KATNIP: variants seen among roughly 807,000 people sequenced by gnomAD.
The protein encoded by KATNIP is katanin-interacting protein.
KATNIP carries 126 observed loss-of-function variants against 174.0 expected under a neutral mutation model. That is an observed-to-expected ratio of 0.72 (90% CI 0.63 to 0.84). The LOEUF (loss-of-function observed/expected upper bound fraction) is 0.84. Ranked by LOEUF, KATNIP falls within the 40% of genes least tolerant of loss-of-function variation. The probability of loss-of-function intolerance (pLI) is 0.00; values close to 1 mark genes in which losing one functional copy is unlikely to be tolerated. For synonymous variants in KATNIP, 810 were observed against 835.7 expected, an observed-to-expected ratio of 0.97 and a Z score of 0.53; for missense variants, 1,958 against 2,109.7, an observed-to-expected ratio of 0.93 and a Z score of 1.41.
chr16:27,574,010 T>C (rs1395935363), intron 2 of KATNIP, 54 bp downstream of exon 2: 1 of 1,520,682 alleles, frequency 6.6e-7, no homozygotes, highest in African/African-American at 1.4e-5. Context: ...TGAAAGGACC[T>C]GAGGGAGCAG....
intron 14 of KATNIP, among the ~76,000 whole-genome samples, chr16:27,722,674 T>C (rs1377284347): frequency 1.3e-5 from 2 of 152,228 alleles, no homozygotes; most frequent in East Asian, 3.8e-4. Context: ...ACCTTCAGTC[T>C]TGCTAGAGAC....
At chr16:27,648,461 C>T in intron 5 of KATNIP, 143 bp from the exon 6 acceptor site, 1 of 932,734 alleles carries the variant, frequency 1.1e-6, no homozygotes, top group Non-Finnish European at 1.6e-6. Flanking sequence ...ATCATGACAC[C>T]ACTGCTGTTG....
chr16:27,667,898 C>A (rs767719459), intron 6 of KATNIP, among the ~76,000 whole-genome samples: 11 of 152,122 alleles, frequency 7.2e-5, no homozygotes, highest in Non-Finnish European at 1.5e-4. Flanking sequence ...AAGGTGAGGG[C>A]TTGAAGCTCA....
At chr16:27,605,812 C>T (rs1596890420) in intron 2 of KATNIP, among the ~76,000 whole-genome samples, 1 of 152,136 alleles carries the variant, frequency 6.6e-6, no homozygotes, top group Admixed American at 6.6e-5. Context: ...GGGAATATAA[C>T]TGATGTGTTA....
At chr16:27,551,977 TG>T (rs2089397902) in intron 1 of KATNIP, among the ~76,000 whole-genome samples, 1 of 152,062 alleles carries the variant, frequency 6.6e-6, no homozygotes, top group East Asian at 1.9e-4. Context: ...CTGAAGTGGG[TG>T]GATTGCTTGA....
At chr16:27,736,110 C>G (rs2080885893) in intron 14 of KATNIP, among the ~76,000 whole-genome samples, 1 of 152,238 alleles carries the variant, frequency 6.6e-6, no homozygotes, top group African/African-American at 2.4e-5. Flanking sequence ...TCAAGTGATT[C>G]TCCTGCCTCA....
intron 6 of KATNIP, chr16:27,669,396 T>C (rs1007200663): frequency 6.3e-6 from 4 of 630,640 alleles, no homozygotes; most frequent in Non-Finnish European, 5.9e-6. Flanking sequence ...CTGGCCTCCA[T>C]GCAGAGGGCT....
In KATNIP at chr16:27,734,935, A is replaced by C. The variant is rs116741569; in HGVS notation, c.1744-5106A>C. ...TTCTCCATCCATAAGATGGGGCCCT[A>C]ATGCTTCCCTTGCAGGATTGTTCTG... On this transcript the variant is annotated intron_variant, in intron 14 of 27. Transcript: ENST00000261588. 3.0e-3 allele frequency among the ~76,000 whole-genome samples: 457 copies of C among 152,312 alleles called. 5 individuals are homozygous for C. The highest frequency in any genetic ancestry group is 9.9e-3 in the African/African-American group (411 of 41,560).
intron 17 of KATNIP, 33 bp from the exon 18 acceptor site, chr16:27,754,140 C>T (rs1477050638): frequency 6.3e-7 from 1 of 1,587,902 alleles, no homozygotes; most frequent in South Asian, 1.1e-5. Flanking sequence ...TAAAACCACC[C>T]CCTTTTCCTC....
intron 14 of KATNIP, among the ~76,000 whole-genome samples, chr16:27,723,461 A>C (rs752083335): frequency 6.6e-6 from 1 of 151,890 alleles, no homozygotes; most frequent in East Asian, 1.9e-4. Flanking sequence ...TTCTCCAGGA[A>C]GCCAACCCTG....
chr16:27,706,109 C>T (rs901223255), intron 12 of KATNIP, among the ~76,000 whole-genome samples: 10 of 152,074 alleles, frequency 6.6e-5, no homozygotes, highest in Non-Finnish European at 1.0e-4. Context: ...TCCAGCAGCT[C>T]GCACTGTGTC....
chr16:27,655,612 C>G (rs573705248), intron 6 of KATNIP, among the ~76,000 whole-genome samples: 13 of 152,082 alleles, frequency 8.5e-5, no homozygotes, highest in African/African-American at 1.9e-4. Context: ...ATAATAAGAG[C>G]TCACGTTAAA....
intron 19 of KATNIP, 50 bp downstream of exon 19, chr16:27,761,640 C>T (rs777227439): frequency 6.7e-7 from 1 of 1,484,068 alleles, no homozygotes; most frequent in Admixed American, 1.7e-5. Flanking sequence ...GTTTTGGGGA[C>T]ATTGTTCTGC....
chr16:27,660,060 G>A (rs913273494), intron 6 of KATNIP: 21 of 952,718 alleles, frequency 2.2e-5, no homozygotes, highest in Non-Finnish European at 2.6e-5. Flanking sequence ...AATACCAAGT[G>A]ACAGATTCCG....
intron 14 of KATNIP, among the ~76,000 whole-genome samples, chr16:27,724,490 A>G (rs960901580): frequency 1.3e-5 from 2 of 152,224 alleles, no homozygotes; most frequent in African/African-American, 4.8e-5. Flanking sequence ...AGAATGGTTT[A>G]AAAAGGCACA....
chr16:27,775,931 C>A (rs2082480759), intron 24 of KATNIP, among the ~76,000 whole-genome samples: 1 of 152,224 alleles, frequency 6.6e-6, no homozygotes, highest in Non-Finnish European at 1.5e-5. Flanking sequence ...TCCTCAGCTT[C>A]CCCTGCCCCA....
chr16:27,703,496 G>A (rs1375118321), intron 11 of KATNIP, among the ~76,000 whole-genome samples: 1 of 152,172 alleles, frequency 6.6e-6, no homozygotes, highest in African/African-American at 2.4e-5. Flanking sequence ...TGTTGTTATT[G>A]TTGTTGTTAT....
intron 7 of KATNIP, among the ~76,000 whole-genome samples, chr16:27,680,636 C>T (rs2078299386): frequency 6.6e-6 from 1 of 152,172 alleles, no homozygotes; most frequent in Non-Finnish European, 1.5e-5. Flanking sequence ...GATCCTCCTG[C>T]CACAGCCTCC....
intron 2 of KATNIP, among the ~76,000 whole-genome samples, chr16:27,613,401 G>C (rs998680056): frequency 1.3e-5 from 2 of 152,210 alleles, no homozygotes; most frequent in African/African-American, 2.4e-5. Context: ...CTCCCTCCTG[G>C]CAAAGGAGGA....
Sources: allele counts gnomAD v4.1 joint callset (sites outside exome capture counted in the v4.1 genomes callset), GRCh38; gene constraint gnomAD v4.1.1; transcripts MANE v1.5; gene names NCBI Gene and HGNC (gene_info 2026-07-23, HGNC 2026-07-21).